The following OPCML variants were observed in gnomAD, a reference collection of about 807,000 sequenced individuals.
OPCML encodes the protein opioid-binding protein/cell adhesion molecule.
Under a neutral mutation model 37.8 loss-of-function variants are expected in OPCML, and 13 were observed. The ratio of observed to expected loss-of-function variants is 0.34; its 90% CI spans 0.22 to 0.55. The LOEUF (loss-of-function observed/expected upper bound fraction) is 0.55. OPCML is among the 20% of genes least tolerant of loss of function. OPCML has a pLI of 0.91. For synonymous variants in OPCML, 176 were observed against 168.8 expected (o/e 1.04, Z -0.33); for missense variants, 341 against 435.6 (o/e 0.78, Z 1.93).
intron 3 of OPCML, among the ~76,000 whole-genome samples, chr11:132,585,008 C>A (rs2096469504): frequency 6.6e-6 from 1 of 152,262 alleles, no homozygotes; most frequent in East Asian, 1.9e-4. Flanking sequence ...AGACTCGTTA[C>A]AAGAGTAGGT....
At chr11:133,462,713 T>A in intron 1 of OPCML, among the ~76,000 whole-genome samples, 1 of 152,138 alleles carries the variant, frequency 6.6e-6, no homozygotes, top group East Asian at 1.9e-4. Flanking sequence ...AAAATTGAAA[T>A]CCTCGTAGCA....
At chr11:133,192,471 A>G (rs756416386) in intron 1 of OPCML, among the ~76,000 whole-genome samples, 1 of 152,238 alleles carries the variant, frequency 6.6e-6, no homozygotes, top group Admixed American at 6.5e-5. Context: ...TTATTTGTTC[A>G]GCAATTCTAT....
intron 1 of OPCML, chr11:133,025,538 A>C (rs988786217): frequency 1.4e-5 from 12 of 888,040 alleles, no homozygotes; most frequent in Middle Eastern, 1.1e-3. Flanking sequence ...AGCAAAGCTG[A>C]AAATTTAAAA....
Position 132,657,252 on chromosome 11 carries a change from T to G in OPCML, c.214A>C (p.Asn72His). Residue 72 changes from asparagine to histidine, a missense_variant, in exon 3 of 8, where the codon AAT becomes CAT. Asn to His is a moderately conservative substitution (Grantham distance 68). Coordinates refer to ENST00000524381, the MANE Select transcript of OPCML (RefSeq NM_001012393.5). ...CGAGGGTCTATGGACCACTTGTCAT[T>G]CCCAGCGTAGAGGATGGTGCTGCGG... ...LNRSTILYAG[N>H]DKWSIDPRVI... 1 of 1,614,200 alleles carries G rather than the reference T, an allele frequency of 6.2e-7. No homozygotes were observed.
chr11:132,513,539 C>T (rs2137196252), intron 4 of OPCML, among the ~76,000 whole-genome samples: 1 of 152,268 alleles, frequency 6.6e-6, no homozygotes, highest in South Asian at 2.1e-4. Context: ...CAAGTTCATA[C>T]TTTATGCTTC....
At chr11:133,140,954 A>G (rs1239864066) in intron 1 of OPCML, among the ~76,000 whole-genome samples, 18 of 1,736 alleles carry the variant, frequency 0.01, no homozygotes, top group East Asian at 0.17. Flanking sequence ...GACGACGAAG[A>G]AGAAGAAGAA....
intron 1 of OPCML, among the ~76,000 whole-genome samples, chr11:133,048,480 C>T (rs1000672875): frequency 4.5e-4 from 68 of 152,250 alleles, no homozygotes; most frequent in South Asian, 2.1e-4. Flanking sequence ...AGAAACTACA[C>T]GCTCTAAATA....
chr11:132,578,105 T>C (rs1047879350), intron 3 of OPCML, among the ~76,000 whole-genome samples: 14 of 152,334 alleles, frequency 9.2e-5, no homozygotes, highest in Admixed American at 5.2e-4. Context: ...CTAAGTTATG[T>C]ATGCATGAAT....
chr11:132,687,905 A>T (rs1485694212), intron 2 of OPCML, among the ~76,000 whole-genome samples: 1 of 152,206 alleles, frequency 6.6e-6, no homozygotes, highest in East Asian at 1.9e-4. Context: ...TATTCCACTA[A>T]TTTGCTTTGC....
At chr11:132,787,635 T>C (rs1947261044) in intron 2 of OPCML, among the ~76,000 whole-genome samples, 1 of 152,344 alleles carries the variant, frequency 6.6e-6, no homozygotes, top group South Asian at 2.1e-4. Flanking sequence ...GTTTATTATA[T>C]GCCCATTTAG....
chr11:132,695,608 T>C (rs1943572495), intron 2 of OPCML, among the ~76,000 whole-genome samples: 1 of 152,208 alleles, frequency 6.6e-6, no homozygotes, highest in Non-Finnish European at 1.5e-5. Flanking sequence ...TTAGTAGACC[T>C]GTGTGCACTG....
chr11:132,812,510 C>G (rs557201134), intron 2 of OPCML, among the ~76,000 whole-genome samples: 63 of 152,148 alleles, frequency 4.1e-4, no homozygotes, highest in Non-Finnish European at 6.8e-4. Flanking sequence ...AAAGCTGAGG[C>G]AAGACTATTA....
chr11:132,512,264 A>C (rs1441212714), intron 4 of OPCML, among the ~76,000 whole-genome samples: 1 of 152,072 alleles, frequency 6.6e-6, no homozygotes, highest in Non-Finnish European at 1.5e-5. Flanking sequence ...AGGAATACAA[A>C]TTGGTACAAC....
intron 4 of OPCML, among the ~76,000 whole-genome samples, chr11:132,515,634 C>A (rs893952757): frequency 3.3e-5 from 5 of 152,218 alleles, no homozygotes; most frequent in Non-Finnish European, 7.3e-5. Flanking sequence ...GGAGAGCCCA[C>A]TCTAGTTAAA....
chr11:133,444,466 G>C (rs117665354), intron 1 of OPCML, among the ~76,000 whole-genome samples: 1,788 of 152,240 alleles, frequency 0.012, 46 homozygotes, highest in Admixed American at 0.059. Context: ...GACTGAGTTA[G>C]TTATATATAT....
chr11:132,822,774 A>T (rs897060577), intron 2 of OPCML, among the ~76,000 whole-genome samples: 1 of 152,228 alleles, frequency 6.6e-6, no homozygotes. Context: ...TTGTAACCTG[A>T]GGAGCAGCTC....
At chr11:132,556,605 G>A (rs2096396216) in intron 3 of OPCML, among the ~76,000 whole-genome samples, 1 of 152,084 alleles carries the variant, frequency 6.6e-6, no homozygotes, top group Non-Finnish European at 1.5e-5. Context: ...ATGTGAGAGT[G>A]AAACAGGTCT....
At position 132,943,756 on chromosome 11, in the gene OPCML, C is replaced by G. The variant is rs1945666017; in HGVS notation, c.62-746G>C. On this transcript the variant is annotated intron_variant, in intron 1 of 7. Coordinates refer to ENST00000524381, the MANE Select transcript of OPCML (RefSeq NM_001012393.5). The surrounding 1 kb of genome is among the most constrained non-coding windows in gnomAD (Gnocchi z 4.3). ...GGCGACTCGCGGCCAGCCGGGGGAG[C>G]GCCGCCCGGCGCAGGCTCCGGGCGC... The G allele has an allele frequency of 1.3e-5, 2 of 150,698 alleles. No individual in the cohort carries two copies. The highest frequency in any genetic ancestry group is 4.1e-4 in the South Asian group (2 of 4,828). The allele number at this position is 150,698 out of a possible 1,614,324, so 9.3% of individuals were successfully genotyped here.
chr11:133,349,669 G>A (rs916797604), intron 1 of OPCML, among the ~76,000 whole-genome samples: 8 of 152,096 alleles, frequency 5.3e-5, no homozygotes, highest in Admixed American at 2.0e-4. Context: ...CTTTCCTATA[G>A]ACTTTGTTCT....
Sources: allele counts gnomAD v4.1 joint callset (sites outside exome capture counted in the v4.1 genomes callset), GRCh38; gene constraint gnomAD v4.1.1; non-coding constraint Gnocchi (gnomAD v3.1); transcripts MANE v1.5; gene names NCBI Gene and HGNC (gene_info 2026-07-23, HGNC 2026-07-21).